DCTN4: variants seen among roughly 807,000 people sequenced by gnomAD.
The protein encoded by DCTN4 is dynactin subunit 4.
In DCTN4, 23 loss-of-function variants were observed where a neutral mutation model predicts 62.7. The ratio of observed to expected loss-of-function variants is 0.37; its 90% CI spans 0.26 to 0.52. The LOEUF (loss-of-function observed/expected upper bound fraction) is 0.52. DCTN4 is among the 20% of genes least tolerant of loss of function. DCTN4 has a pLI of 0.92. For missense variants in DCTN4, 514 were observed against 580.4 expected (o/e 0.89, Z 1.18); for synonymous variants, 199 against 202.1 (o/e 0.98, Z 0.13).
rs978820881 is a variant in DCTN4, at chr5:150,746,693, G to C, written c.386-4536C>G. Among the ~76,000 whole-genome samples the C allele has an allele frequency of 7.2e-5, 11 of 152,274 alleles. 1 individual carries two copies. The highest frequency in any genetic ancestry group is 5.9e-4 in the Admixed American group (9 of 15,284). On this transcript the variant is annotated intron_variant, in intron 3 of 12. Transcript: ENST00000447998. Reference sequence around the variant, plus strand: ...ACAGAGCCAAAGACAAAAACCACATGATTATCTCAATAGATGCAGAAAAGG... The same window carrying C: ...ACAGAGCCAAAGACAAAAACCACATCATTATCTCAATAGATGCAGAAAAGG...
chr5:150,746,718 G>T (rs1371770922), intron 3 of DCTN4, among the ~76,000 whole-genome samples: 1 of 152,108 alleles, frequency 6.6e-6, no homozygotes, highest in African/African-American at 2.4e-5. Context: ...TGCAGAAAAG[G>T]CCTTTGACAA....
intron 9 of DCTN4, 105 bp downstream of exon 9, chr5:150,722,802 T>TA: frequency 1.6e-6 from 1 of 608,828 alleles, no homozygotes. Flanking sequence ...TTGATGTAAT[T>TA]TTTTTTTTTT....
chr5:150,756,170 T>TCCTC (rs1240821853), intron 2 of DCTN4, among the ~76,000 whole-genome samples: 1 of 151,714 alleles, frequency 6.6e-6, no homozygotes, highest in Non-Finnish European at 1.5e-5. Context: ...GCCTCCCAAG[T>TCCTC]AGCTGGGACT....
chr5:150,748,774 CTG>C (rs1752556460), intron 3 of DCTN4, among the ~76,000 whole-genome samples: 1 of 112,288 alleles, frequency 8.9e-6, no homozygotes, highest in Non-Finnish European at 1.7e-5. Context: ...ACATCACACT[CTG>C]GGGACTGTTG....
intron 11 of DCTN4, among the ~76,000 whole-genome samples, chr5:150,715,927 G>A (rs1313257246): frequency 6.6e-6 from 1 of 152,044 alleles, no homozygotes; most frequent in African/African-American, 2.4e-5. Context: ...TTTTTGAGAT[G>A]GAGTCTCACT....
intron 9 of DCTN4, 96 bp downstream of exon 9, chr5:150,722,811 T>C: frequency 1.2e-6 from 1 of 844,356 alleles, no homozygotes; most frequent in Non-Finnish European, 1.8e-6. Flanking sequence ...TTTTTTTTTT[T>C]TTAGGCCAAG....
chr5:150,724,875 A>G (rs1760083344), intron 8 of DCTN4, among the ~76,000 whole-genome samples: 1 of 152,172 alleles, frequency 6.6e-6, no homozygotes, highest in Non-Finnish European at 1.5e-5. Flanking sequence ...AATGTATCCC[A>G]GGCTGGGCGC....
intron 9 of DCTN4, 45 bp from the exon 10 acceptor site, chr5:150,719,815 TA>T (rs34010374): frequency 1.6e-6 from 2 of 1,237,342 alleles, no homozygotes; most frequent in Non-Finnish European, 2.3e-6. Context: ...TGGAGTCTCT[TA>T]AAATTATTAT....
chr5:150,714,331 A>G lies in DCTN4; in HGVS notation c.1169+1234T>C, dbSNP rs546014538. ...AGGAAGGGTCTTGCTCTTCCTTTAG[A>G]GATTCCTGTTTGCTTGTGGTCCCTG... is the stretch of plus-strand genomic sequence containing the variant. On this transcript the variant is annotated intron_variant, in intron 12 of 12. Coordinates refer to ENST00000447998, the MANE Select transcript of DCTN4 (RefSeq NM_016221.4). 2.0e-5 allele frequency among the ~76,000 whole-genome samples: 3 copies of G among 151,846 alleles called. No individual in the cohort carries two copies. The East Asian group carries it at 5.8e-4, about 29-fold the overall frequency.
intron 4 of DCTN4, among the ~76,000 whole-genome samples, chr5:150,737,872 G>A (rs1171446948): frequency 6.6e-6 from 1 of 152,068 alleles, no homozygotes; most frequent in Non-Finnish European, 1.5e-5. Context: ...TAGAATGTGA[G>A]ATTAACCAAG....
chr5:150,722,840 TG>T, intron 9 of DCTN4, 66 bp downstream of exon 9: 1 of 1,207,658 alleles, frequency 8.3e-7, no homozygotes, highest in South Asian at 1.3e-5. Context: ...CACTTCATAC[TG>T]GGGAAGAAGA....
intron 12 of DCTN4, among the ~76,000 whole-genome samples, chr5:150,714,017 T>C (rs915918016): frequency 3.9e-5 from 6 of 152,042 alleles, no homozygotes; most frequent in African/African-American, 7.2e-5. Flanking sequence ...CTCAGGAGGC[T>C]GAGGCAGGAG....
At position 150,710,892 on chromosome 5, in the gene DCTN4, A is replaced by C. The variant is rs752532504; in HGVS notation, c.*257T>G. ...CCATCCCCTTTCCTAGGATGGAATTATGCTGCTGTTACTCAACGTGCAGGG... is the reference window on the plus strand; with the variant it reads ...CCATCCCCTTTCCTAGGATGGAATTCTGCTGCTGTTACTCAACGTGCAGGG... On this transcript the variant is annotated 3_prime_UTR_variant, in exon 13 of 13. Transcript: ENST00000447998. 1.1e-4 allele frequency: 54 copies of C among 493,996 alleles called. No individual in the cohort carries two copies. The highest frequency in any genetic ancestry group is 1.8e-4 in the Non-Finnish European group (48 of 270,958). 30.6% of individuals were successfully genotyped at this position (493,996 alleles called of 1,614,324 possible).
intron 1 of DCTN4, chr5:150,758,596 C>G: frequency 1.6e-6 from 2 of 1,212,350 alleles, no homozygotes; most frequent in East Asian, 8.3e-5. Context: ...CAAGCCCCAT[C>G]GCAGACAGAC....
At chr5:150,758,727 G>A (rs545311901) in intron 1 of DCTN4, 132 bp downstream of exon 1, 33 of 1,401,078 alleles carry the variant, frequency 2.4e-5, no homozygotes, top group African/African-American at 2.3e-4. Flanking sequence ...TAAATCGCAG[G>A]CAAACCCGAG....
At chr5:150,747,061 T>G (rs1399293936) in intron 3 of DCTN4, among the ~76,000 whole-genome samples, 1 of 152,124 alleles carries the variant, frequency 6.6e-6, no homozygotes, top group Non-Finnish European at 1.5e-5. Context: ...GCCCAAAATC[T>G]CCTTAAGCTG....
At chr5:150,723,500 ACT>A (rs1278978758) in intron 8 of DCTN4, among the ~76,000 whole-genome samples, 1 of 152,112 alleles carries the variant, frequency 6.6e-6, no homozygotes, top group African/African-American at 2.4e-5. Flanking sequence ...ATAGGGTATC[ACT>A]CTGTTACCCA....
intron 1 of DCTN4, 37 bp downstream of exon 1, chr5:150,758,822 C>T (rs771400712): frequency 7.5e-6 from 12 of 1,606,334 alleles, no homozygotes; most frequent in South Asian, 4.4e-5. Context: ...CCGCGCCCCC[C>T]CCACCCCACA....
At chr5:150,727,060 G>A (rs1760171593) in intron 8 of DCTN4, among the ~76,000 whole-genome samples, 1 of 152,184 alleles carries the variant, frequency 6.6e-6, no homozygotes, top group African/African-American at 2.4e-5. Context: ...GTTAGGGGCG[G>A]TGGGGAAGAA....
Sources: allele counts gnomAD v4.1 joint callset (sites outside exome capture counted in the v4.1 genomes callset), GRCh38; gene constraint gnomAD v4.1.1; transcripts MANE v1.5; gene names NCBI Gene and HGNC (gene_info 2026-07-23, HGNC 2026-07-21).